BIRC6: variants seen among roughly 807,000 people sequenced by gnomAD.
BIRC6 encodes the protein baculoviral IAP repeat containing 6, also known as dual E2 ubiquitin-conjugating enzyme/E3 ubiquitin-protein ligase BIRC6.
Under a neutral mutation model 503.3 loss-of-function variants are expected in BIRC6, and 98 were observed. The observed-to-expected ratio is 0.19, with a 90% CI of 0.17 to 0.23. The LOEUF (loss-of-function observed/expected upper bound fraction) is 0.23, where lower values mean the gene tolerates loss of function less well. Ranked by LOEUF, BIRC6 falls within the 10% of genes least tolerant of loss-of-function variation. BIRC6 has a pLI of 1.00. For synonymous variants in BIRC6, 2,240 were observed against 2,078.7 expected, an observed-to-expected ratio of 1.08 and a Z score of -2.11; for missense variants, 5,360 against 5,806.0, an observed-to-expected ratio of 0.92 and a Z score of 2.50.
chr2:32,544,215 A>G (rs2057887581), intron 62 of BIRC6, among the ~76,000 whole-genome samples: 1 of 152,200 alleles, frequency 6.6e-6, no homozygotes, highest in Non-Finnish European at 1.5e-5. Context: ...ATAGCAATAA[A>G]GGTTTATTAA....
chr2:32,494,218 C>T (rs1156512286), intron 45 of BIRC6, among the ~76,000 whole-genome samples: 2 of 151,566 alleles, frequency 1.3e-5, no homozygotes, highest in African/African-American at 4.8e-5. Context: ...TCCAACATTA[C>T]TTTCTGATGA....
chr2:32,572,455 G>A (rs546670296), intron 65 of BIRC6, among the ~76,000 whole-genome samples: 9 of 152,266 alleles, frequency 5.9e-5, no homozygotes, highest in Non-Finnish European at 1.0e-4. Flanking sequence ...ACAGTAACAA[G>A]TGCTATTATT....
At chr2:32,424,823 C>T (rs2043310831) in intron 10 of BIRC6, among the ~76,000 whole-genome samples, 1 of 152,002 alleles carries the variant, frequency 6.6e-6, no homozygotes, top group Non-Finnish European at 1.5e-5. Context: ...TATGTTTAAC[C>T]TTTTGAGAAT....
chr2:32,553,197 C>CAAAAAAAAAAAAAAAAAAAAAA (rs763552918), intron 65 of BIRC6, among the ~76,000 whole-genome samples: 8 of 34,948 alleles, frequency 2.3e-4, no homozygotes, highest in Non-Finnish European at 3.4e-4. Context: ...AACTCTGTCT[C>CAAAAAAAAAAAAAAAAAAAAAA]AAAAAAAAAA....
intron 66 of BIRC6, among the ~76,000 whole-genome samples, chr2:32,583,454 T>C (rs1034141037): frequency 1.3e-5 from 2 of 152,198 alleles, no homozygotes; most frequent in African/African-American, 4.8e-5. Flanking sequence ...TGTTGGCTGG[T>C]TTACTAATAA....
rs543665858 is a variant in BIRC6, at chr2:32,377,332, C to T, written c.326-256C>T. Among the ~76,000 whole-genome samples the T allele has an allele frequency of 2.0e-5, 3 of 151,578 alleles. No individual in the cohort carries two copies. The East Asian group carries it at 5.8e-4, about 29-fold the overall frequency. ...CCCTATACTGTTGCTGTGTTTATTT[C>T]TCAGAACAATGATGTTCTTTTATAA... On this transcript the variant is annotated intron_variant, in intron 1 of 73. Transcript: ENST00000421745.
At chr2:32,374,067 G>T (rs1208307733) in intron 1 of BIRC6, among the ~76,000 whole-genome samples, 1 of 152,162 alleles carries the variant, frequency 6.6e-6, no homozygotes, top group Admixed American at 6.5e-5. Context: ...ATAAAAGTCA[G>T]TTACTGTTTA....
chr2:32,481,250 TA>T (rs2050371771), intron 37 of BIRC6, 69 bp from the exon 38 acceptor site: 4 of 1,331,274 alleles, frequency 3.0e-6, no homozygotes, highest in Non-Finnish European at 4.0e-6. Context: ...TTTTTTTAAC[TA>T]AAAGCATTAT....
At chr2:32,369,982 ATATG>A (rs70938342) in intron 1 of BIRC6, among the ~76,000 whole-genome samples, 2,244 of 43,720 alleles carry the variant, frequency 0.051, 71 homozygotes, top group East Asian at 0.081. Context: ...ATATATATAT[ATATG>A]TATGTATGTA....
At chr2:32,395,479 C>G (rs2039773530) in intron 5 of BIRC6, 32 bp from the exon 6 acceptor site, 1 of 1,478,032 alleles carries the variant, frequency 6.8e-7, no homozygotes, top group Non-Finnish European at 9.4e-7. Flanking sequence ...AATGATTTAC[C>G]TTTTCTGTCT....
At chr2:32,608,581 A>AT (rs2062633834) in intron 72 of BIRC6, among the ~76,000 whole-genome samples, 2 of 151,598 alleles carry the variant, frequency 1.3e-5, no homozygotes, top group Middle Eastern at 3.4e-3. Context: ...CGCCTGGCTA[A>AT]TTTTTTTGTA....
intron 52 of BIRC6, 45 bp downstream of exon 52, chr2:32,510,039 T>G (rs1175134115): frequency 1.9e-6 from 3 of 1,594,370 alleles, no homozygotes; most frequent in Non-Finnish European, 2.6e-6. Flanking sequence ...ATCTGTAAAG[T>G]AACAGCAGTT....
chr2:32,393,941 G>C (rs2039556466), intron 5 of BIRC6, among the ~76,000 whole-genome samples: 1 of 119,202 alleles, frequency 8.4e-6, no homozygotes, highest in Non-Finnish European at 1.7e-5. Context: ...AATTAAACCA[G>C]AAAACTATAT....
Position 32,476,310 on chromosome 2 carries a change from T to C in BIRC6, c.6818T>C (p.Val2273Ala), listed in dbSNP as rs772125527. 1.3e-6 allele frequency: 2 copies of C among 1,575,624 alleles called. No homozygotes were observed. The highest frequency in any genetic ancestry group is 3.7e-5 in the Admixed American group (2 of 54,332). Residue 2273 changes from valine (V) to alanine (A), a missense_variant, in exon 34 of 74, where the codon GTA becomes GCA. Physicochemically the swap from Val to Ala is moderately conservative, Grantham distance 64. This residue lies in a region of BIRC6 where 2,299 missense variants were observed against 2,267.2 expected (regional missense o/e 1.01). Coordinates refer to ENST00000421745, the MANE Select transcript of BIRC6 (RefSeq NM_016252.4). ...AAAGGATCATCATATAAACTCCTGG[T>C]AGAACAAGCAAAACTAAAGCAGGCC... is the stretch of plus-strand genomic sequence containing the variant. ...SNKGSSYKLL[V>A]EQAKLKQATS... is the part of the protein sequence containing the mutation.
At chr2:32,477,307 ATACTGAAAAAAT>A in intron 34 of BIRC6, 49 bp from the exon 35 acceptor site, 1 of 1,530,000 alleles carries the variant, frequency 6.5e-7, no homozygotes, top group East Asian at 2.2e-5. Flanking sequence ...ACATAAATCT[ATACTGAAAAAAT>A]TTTCATTAAG....
At chr2:32,607,904 G>A (rs1166210041) in intron 72 of BIRC6, among the ~76,000 whole-genome samples, 5 of 145,856 alleles carry the variant, frequency 3.4e-5, no homozygotes, top group African/African-American at 1.0e-4. Flanking sequence ...CCTGGGAGGC[G>A]GAAGTTGCAG....
chr2:32,611,356 A>C (rs2062863798), intron 72 of BIRC6, 92 bp from the exon 73 acceptor site: 2 of 812,148 alleles, frequency 2.5e-6, no homozygotes, highest in African/African-American at 1.8e-5. Context: ...AAATGTATTT[A>C]TAATACATTT....
rs531343613 is a variant in BIRC6, at chr2:32,497,021, A to G, written c.8469-2526A>G. ...GTTACTAGCTGGAGCTCTTTTTTAG[A>G]TATGTGATAGTAAGTTGAGGAAGTT... On this transcript the variant is annotated intron_variant, in intron 45 of 73. Coordinates refer to ENST00000421745, the MANE Select transcript of BIRC6 (RefSeq NM_016252.4). Among the ~76,000 whole-genome samples, 10 of 152,180 alleles carry G rather than the reference A, an allele frequency of 6.6e-5. No homozygotes were observed. In the East Asian group the frequency reaches 1.9e-3, roughly 29 times the overall value.
At chr2:32,574,058 C>T (rs2060091589) in intron 65 of BIRC6, among the ~76,000 whole-genome samples, 1 of 151,874 alleles carries the variant, frequency 6.6e-6, no homozygotes, top group African/African-American at 2.4e-5. Context: ...ATATCTGCTG[C>T]ATTCTTTCAT....
Sources: allele counts gnomAD v4.1 joint callset (sites outside exome capture counted in the v4.1 genomes callset), GRCh38; gene constraint gnomAD v4.1.1; regional missense constraint gnomAD v4.1.1; transcripts MANE v1.5; gene names NCBI Gene and HGNC (gene_info 2026-07-23, HGNC 2026-07-21).